Variants in TBCK observed in about 807,000 individuals in gnomAD.
TBCK encodes the protein TBC1 domain containing kinase.
Under a neutral mutation model 113.4 loss-of-function variants are expected in TBCK, and 99 were observed. The ratio of observed to expected loss-of-function variants is 0.87; its 90% CI spans 0.74 to 1.03. TBCK has a LOEUF of 1.03. Ranked by LOEUF, TBCK falls within the 50% of genes least tolerant of loss-of-function variation. The pLI, the probability that TBCK is intolerant of heterozygous loss-of-function variation, is 0.00. For missense variants in TBCK, 1,045 were observed against 1,061.3 expected (o/e 0.98, Z 0.21); for synonymous variants, 369 against 370.8 (o/e 1.00, Z 0.05).
At chr4:106,153,824 T>TA (rs1748806569) in intron 23 of TBCK, among the ~76,000 whole-genome samples, 1 of 152,098 alleles carries the variant, frequency 6.6e-6, no homozygotes, top group Non-Finnish European at 1.5e-5. Context: ...CGTCTCTTCT[T>TA]AGAGTTTTTT....
Position 106,272,375 on chromosome 4 carries a change from A to G in TBCK, c.267-10163T>C, listed in dbSNP as rs965717029. Among the ~76,000 whole-genome samples the G allele has an allele frequency of 2.6e-5, 4 of 152,286 alleles. No homozygotes were observed. The East Asian group carries it at 7.7e-4, about 29-fold the overall frequency. ...CCCCATCATCCTTTCTCTTCCAAGA[A>G]TAAGTTCATAGAAAGAACTCATCAA... On this transcript the variant is annotated intron_variant, in intron 3 of 25. Coordinates refer to ENST00000394708, the MANE Select transcript of TBCK (RefSeq NM_001163435.3).
chr4:106,244,806 T>C, intron 10 of TBCK, 42 bp from the exon 11 acceptor site: 1 of 1,305,038 alleles, frequency 7.7e-7, no homozygotes, highest in African/African-American at 1.5e-5. Context: ...TTATATTTTC[T>C]ACTTTTATTA....
chr4:106,141,657 G>A (rs1014552701), intron 23 of TBCK, among the ~76,000 whole-genome samples: 1 of 139,726 alleles, frequency 7.2e-6, no homozygotes, highest in Admixed American at 7.1e-5. Context: ...ACAACAAAAG[G>A]CTAAAATATC....
intron 12 of TBCK, among the ~76,000 whole-genome samples, chr4:106,240,955 A>G (rs1760042451): frequency 6.6e-6 from 1 of 152,060 alleles, no homozygotes; most frequent in Non-Finnish European, 1.5e-5. Context: ...CTCTATCGCA[A>G]CTACTCAATT....
intron 1 of TBCK, among the ~76,000 whole-genome samples, chr4:106,315,221 T>C (rs1302324694): frequency 6.6e-6 from 1 of 152,118 alleles, no homozygotes; most frequent in Non-Finnish European, 1.5e-5. Flanking sequence ...ATTCAACAAA[T>C]ATTTTGAAGC....
At chr4:106,262,281 T>C (rs1026226517) in intron 3 of TBCK, 69 bp from the exon 4 acceptor site, 7 of 776,040 alleles carry the variant, frequency 9.0e-6, no homozygotes, top group Non-Finnish European at 1.5e-5. Flanking sequence ...ACAAGTGAAA[T>C]GTGACCTAGT....
chr4:106,150,130 G>A (rs955883715), intron 23 of TBCK, among the ~76,000 whole-genome samples: 1 of 152,176 alleles, frequency 6.6e-6, no homozygotes, highest in African/African-American at 2.4e-5. Context: ...AATAAAAAGA[G>A]AGGCTTAGAG....
rs375969276 is a variant in TBCK, at chr4:106,043,136, C to CA, written c.*3433dup. 2.3e-4 allele frequency: 35 copies of CA among 152,206 alleles called. No individual in the cohort carries two copies. Among genetic ancestry groups the CA allele is most frequent in the African/African-American group, 7.7e-4 (32 of 41,532 alleles). 9.4% of individuals were successfully genotyped at this position (152,206 alleles called of 1,614,324 possible). On this transcript the variant is annotated 3_prime_UTR_variant, in exon 26 of 26. Transcript: ENST00000394708. ...TTCAGGTCCTTTTCATTTCTGACAT[C>CA]AAAAAACTTCTTTCTTTCAAACTTG...
rs995688924 is a variant in TBCK at position 106,232,966 on chromosome 4, C to A, written c.1611G>T (p.Val537=). ...KFRRVLKAWV[V]SHPDLVYWQG... Reference sequence around the variant, plus strand: ...GCCAATACACAAGATCAGGATGAGACACTACCCAGGCTTTTAATACACGCC... The same window carrying A: ...GCCAATACACAAGATCAGGATGAGAAACTACCCAGGCTTTTAATACACGCC... The change falls in exon 17 of 26, where the codon GTG becomes GTT. Residue 537 remains valine, a synonymous_variant. Transcript: ENST00000394708. 1 of 1,612,104 alleles carries A rather than the reference C, an allele frequency of 6.2e-7. No homozygotes were observed. Among genetic ancestry groups the A allele is most frequent in the African/African-American group, 1.3e-5 (1 of 74,816 alleles).
chr4:106,058,219 T>C (rs1030378012), intron 25 of TBCK, among the ~76,000 whole-genome samples: 2 of 151,756 alleles, frequency 1.3e-5, no homozygotes, highest in African/African-American at 4.8e-5. Flanking sequence ...CAATACCATT[T>C]GATAAATGCT....
chr4:106,174,560 T>TA (rs1299636338), intron 22 of TBCK, among the ~76,000 whole-genome samples: 3 of 152,164 alleles, frequency 2.0e-5, no homozygotes, highest in Non-Finnish European at 4.4e-5. Flanking sequence ...GTGATATACT[T>TA]ACGCATATAC....
At chr4:106,144,220 G>C (rs1187576790) in intron 23 of TBCK, among the ~76,000 whole-genome samples, 1 of 152,168 alleles carries the variant, frequency 6.6e-6, no homozygotes, top group Non-Finnish European at 1.5e-5. Context: ...ATTTGGAACT[G>C]ATATACTGTG....
intron 3 of TBCK, among the ~76,000 whole-genome samples, chr4:106,294,682 C>T (rs1271837757): frequency 7.9e-5 from 12 of 151,576 alleles, no homozygotes; most frequent in Non-Finnish European, 1.5e-4. Context: ...AGGGTTTCAC[C>T]GTGTTAGCCA....
intron 23 of TBCK, among the ~76,000 whole-genome samples, chr4:106,165,636 A>G (rs925913592): frequency 6.6e-6 from 1 of 151,732 alleles, no homozygotes; most frequent in Non-Finnish European, 1.5e-5. Context: ...AAAAAAATTA[A>G]CTGTTAATTA....
chr4:106,168,496 A>G (rs1750646446), intron 23 of TBCK, among the ~76,000 whole-genome samples: 2 of 151,984 alleles, frequency 1.3e-5, no homozygotes, highest in South Asian at 2.1e-4. Flanking sequence ...ATCTAATGCA[A>G]TAACACAAAC....
chr4:106,053,473 T>C lies in TBCK; in HGVS notation c.2572-6793A>G, dbSNP rs115420709. 2.5e-3 allele frequency among the ~76,000 whole-genome samples: 381 copies of C among 151,788 alleles called. 2 individuals are homozygous for C. Among genetic ancestry groups the C allele is most frequent in the African/African-American group, 9.0e-3 (372 of 41,498 alleles). ...TCAGTACACCAATCTCTCCTGGTTCTACTACTTCACTAGCTGTGCCTTCTC... is the reference window on the plus strand; with the variant it reads ...TCAGTACACCAATCTCTCCTGGTTCCACTACTTCACTAGCTGTGCCTTCTC... On this transcript the variant is annotated intron_variant, in intron 25 of 25. Coordinates refer to ENST00000394708, the MANE Select transcript of TBCK (RefSeq NM_001163435.3).
chr4:106,244,128 G>T (rs2150038929), intron 11 of TBCK, among the ~76,000 whole-genome samples: 1 of 152,228 alleles, frequency 6.6e-6, no homozygotes, highest in Non-Finnish European at 1.5e-5. Flanking sequence ...TTTCTAGCAT[G>T]ATATCTTCTT....
chr4:106,207,932 A>C (rs1447941149), intron 20 of TBCK, among the ~76,000 whole-genome samples: 1 of 152,218 alleles, frequency 6.6e-6, no homozygotes, highest in African/African-American at 2.4e-5. Flanking sequence ...AAGTGACAGA[A>C]CCGTTTGCTA....
intron 3 of TBCK, among the ~76,000 whole-genome samples, chr4:106,288,443 A>G (rs1260739313): frequency 6.6e-6 from 1 of 152,210 alleles, no homozygotes; most frequent in Non-Finnish European, 1.5e-5. Context: ...AAATGCATAT[A>G]TTATACATTT....
Sources: gnomAD v4.1 joint callset for allele counts (sites outside exome capture counted in the v4.1 genomes callset) on GRCh38, gnomAD v4.1.1 for gene constraint, MANE v1.5 for transcripts, NCBI Gene and HGNC (gene_info 2026-07-23, HGNC 2026-07-21) for gene names.